Variants in TAF4 observed in about 807,000 individuals in gnomAD.
TAF4 encodes transcription initiation factor TFIID subunit 4.
A neutral mutation model predicts 90.3 loss-of-function variants in TAF4; 9 were observed. The observed-to-expected ratio is 0.10, with a 90% CI of 0.06 to 0.17. TAF4 has a LOEUF of 0.17. Ranked by LOEUF, TAF4 falls within the 10% of genes least tolerant of loss-of-function variation. The pLI, the probability that TAF4 is intolerant of heterozygous loss-of-function variation, is 1.00. For synonymous variants in TAF4, 818 were observed against 638.9 expected, an observed-to-expected ratio of 1.28 and a Z score of -4.23; for missense variants, 1,351 against 1,370.7, an observed-to-expected ratio of 0.99 and a Z score of 0.23.
At chr20:61,994,223 G>A (rs1470799008) in intron 14 of TAF4, among the ~76,000 whole-genome samples, 1 of 152,144 alleles carries the variant, frequency 6.6e-6, no homozygotes, top group Non-Finnish European at 1.5e-5. Flanking sequence ...TTCTTTCTTG[G>A]TATACAACTA....
chr20:62,014,026 GTGTGTGT>G (rs2055797547), intron 2 of TAF4, among the ~76,000 whole-genome samples: 2 of 104,828 alleles, frequency 1.9e-5, no homozygotes, highest in African/African-American at 3.0e-5. Flanking sequence ...GTGGGTGTGT[GTGTGTGT>G]GTGTGTGTGT....
chr20:62,009,788 C>T (rs926891366), intron 4 of TAF4, among the ~76,000 whole-genome samples: 2 of 152,216 alleles, frequency 1.3e-5, no homozygotes, highest in African/African-American at 4.8e-5. Context: ...CGACAGTGCA[C>T]CAGTGACTTT....
At chr20:61,979,691 C>T (rs6061938) in intron 14 of TAF4, among the ~76,000 whole-genome samples, 29 of 150,088 alleles carry the variant, frequency 1.9e-4, no homozygotes, top group East Asian at 4.0e-4. Flanking sequence ...CGTGCAGGCG[C>T]GATGGCCACT....
At chr20:62,060,247 G>A (rs949970264) in intron 1 of TAF4, among the ~76,000 whole-genome samples, 6 of 152,324 alleles carry the variant, frequency 3.9e-5, no homozygotes, top group South Asian at 2.1e-4. Flanking sequence ...AGAAGCAAGC[G>A]GGACACCCTC....
chr20:62,025,800 A>G (rs895363084), intron 1 of TAF4, among the ~76,000 whole-genome samples: 3 of 152,146 alleles, frequency 2.0e-5, no homozygotes, highest in African/African-American at 7.2e-5. Flanking sequence ...ATTCTAAAAC[A>G]CACAGACTCC....
intron 1 of TAF4, among the ~76,000 whole-genome samples, chr20:62,044,350 ATATGTGTG>A (rs1228182722): frequency 6.6e-6 from 1 of 152,244 alleles, no homozygotes; most frequent in East Asian, 1.9e-4. Context: ...GAAAAAGAAT[ATATGTGTG>A]TATGCATGCG....
intron 1 of TAF4, among the ~76,000 whole-genome samples, chr20:62,055,362 T>G (rs1305067022): frequency 6.6e-6 from 1 of 152,182 alleles, no homozygotes; most frequent in Non-Finnish European, 1.5e-5. Context: ...CGATTCACAC[T>G]GCCTGCGGGC....
intron 1 of TAF4, among the ~76,000 whole-genome samples, chr20:62,025,530 A>G (rs1195286873): frequency 6.6e-6 from 1 of 152,138 alleles, no homozygotes; most frequent in East Asian, 1.9e-4. Context: ...AGCTTCCCCC[A>G]GGCGGTTCTC....
chr20:62,048,875 G>A (rs881994), intron 1 of TAF4, among the ~76,000 whole-genome samples: 56,994 of 97,142 alleles, frequency 0.59, 15,906 homozygotes, highest in Middle Eastern at 0.64. Flanking sequence ...CTCGGTCACC[G>A]GGCTCCATTC....
intron 14 of TAF4, among the ~76,000 whole-genome samples, chr20:61,987,326 C>T (rs1347949803): frequency 6.6e-6 from 1 of 152,040 alleles, no homozygotes; most frequent in Non-Finnish European, 1.5e-5. Flanking sequence ...GACCAAGGAG[C>T]CGAGGAGCCG....
chr20:61,990,541 A>G (rs2055624917), intron 14 of TAF4, among the ~76,000 whole-genome samples: 1 of 152,158 alleles, frequency 6.6e-6, no homozygotes. Flanking sequence ...CTGGACCCCG[A>G]CGGGCCTGGA....
At chr20:61,996,829 A>G (rs1344158701) in intron 14 of TAF4, among the ~76,000 whole-genome samples, 1 of 151,976 alleles carries the variant, frequency 6.6e-6, no homozygotes, top group Non-Finnish European at 1.5e-5. Context: ...TGAGGGTGAA[A>G]TACAATTTTT....
chr20:61,987,185 G>A (rs2055598044), intron 14 of TAF4, among the ~76,000 whole-genome samples: 1 of 152,140 alleles, frequency 6.6e-6, no homozygotes, highest in African/African-American at 2.4e-5. Context: ...CTACAGCCTG[G>A]ACGTCATCAC....
intron 1 of TAF4, among the ~76,000 whole-genome samples, chr20:62,036,865 G>A (rs1398767710): frequency 6.6e-6 from 1 of 152,154 alleles, no homozygotes; most frequent in Non-Finnish European, 1.5e-5. Flanking sequence ...GGGGGACTTT[G>A]GGGGCCCAGC....
At position 62,064,498 on chromosome 20, in the gene TAF4, TGCG is replaced by T. The variant is rs750176891; in HGVS notation, c.1310_1312del (p.Pro437del). On this transcript the variant is annotated inframe_deletion, in exon 1 of 15. Transcript: ENST00000252996. ...GATGTTGGTCGGGTTCTGAGGCGGC[TGCG>T]GCAAGCGGGGGGCCAGCACGGTGGG... 6.6e-7 allele frequency: 1 copy of T among 1,517,426 alleles called. No individual in the cohort carries two copies. Among genetic ancestry groups the T allele is most frequent in the Non-Finnish European group, 8.8e-7 (1 of 1,134,250 alleles). 94.0% of individuals were successfully genotyped at this position (1,517,426 alleles called of 1,614,324 possible).
At chr20:61,991,610 C>CA (rs896446422) in intron 14 of TAF4, among the ~76,000 whole-genome samples, 4 of 147,186 alleles carry the variant, frequency 2.7e-5, no homozygotes, top group African/African-American at 7.5e-5. Context: ...AACCAAAAAA[C>CA]AAAAAAAAAG....
intron 14 of TAF4, among the ~76,000 whole-genome samples, chr20:61,977,370 C>T (rs375381888): frequency 3.0e-4 from 46 of 152,364 alleles, no homozygotes; most frequent in African/African-American, 8.7e-4. Flanking sequence ...TATTTAAGTA[C>T]AAAGATTACG....
chr20:61,989,915 G>A (rs965171734), intron 14 of TAF4, among the ~76,000 whole-genome samples: 1 of 152,224 alleles, frequency 6.6e-6, no homozygotes, highest in Admixed American at 6.5e-5. Flanking sequence ...CCCCAGGGGT[G>A]GCGACACAGG....
intron 1 of TAF4, among the ~76,000 whole-genome samples, chr20:62,026,677 C>T (rs1334731747): frequency 1.3e-5 from 2 of 152,200 alleles, no homozygotes; most frequent in Admixed American, 1.3e-4. Flanking sequence ...AGGCCACACT[C>T]GGCACAGGAA....
Sources: allele counts gnomAD v4.1 joint callset (sites outside exome capture counted in the v4.1 genomes callset), GRCh38; gene constraint gnomAD v4.1.1; transcripts MANE v1.5; gene names NCBI Gene and HGNC (gene_info 2026-07-23, HGNC 2026-07-21).